Variants in NETO1 observed in about 807,000 individuals in gnomAD.
NETO1 encodes neuropilin and tolloid-like protein 1.
A neutral mutation model predicts 61.3 loss-of-function variants in NETO1; 26 were observed. The observed-to-expected ratio is 0.42, with a 90% confidence interval of 0.31 to 0.59. The LOEUF is 0.59. Ranked by LOEUF, NETO1 falls within the 20% of genes least tolerant of loss-of-function variation. The probability of loss-of-function intolerance (pLI) is 0.12; values close to 1 mark genes in which losing one functional copy is unlikely to be tolerated. For missense variants in NETO1, 531 were observed against 662.8 expected (o/e 0.80, Z 2.18); for synonymous variants, 225 against 225.8 (o/e 1.00, Z 0.03).
At chr18:72,811,525 C>T (rs1200682063) in intron 4 of NETO1, among the ~76,000 whole-genome samples, 2 of 152,160 alleles carry the variant, frequency 1.3e-5, no homozygotes, top group Non-Finnish European at 2.9e-5. Flanking sequence ...AAAGTAGGGC[C>T]AGGTGGGGTG....
At chr18:72,752,335 C>T (rs74632812) in intron 8 of NETO1, among the ~76,000 whole-genome samples, 15,991 of 152,162 alleles carry the variant, frequency 0.11, 955 homozygotes, top group Middle Eastern at 0.17. Context: ...TAACAACTGG[C>T]TGCAATACCA....
Position 72,864,789 on chromosome 18 carries a change from T to C in NETO1, c.220+19A>G, listed in dbSNP as rs946287678. On this transcript the variant is annotated intron_variant, in intron 3 of 10. Coordinates refer to ENST00000327305, the MANE Select transcript of NETO1 (RefSeq NM_138966.5). ...TTTTGGCTTAGTGCTTTCTTAACTC[T>C]GGCACTGTCTCCCCTTACCTTCTAT... The C allele has an allele frequency of 1.2e-6, 2 of 1,613,790 alleles. No individual in the cohort carries two copies. The highest frequency in any genetic ancestry group is 1.3e-5 in the African/African-American group (1 of 74,928).
At chr18:72,766,918 T>C (rs1361029406) in intron 7 of NETO1, among the ~76,000 whole-genome samples, 1 of 152,214 alleles carries the variant, frequency 6.6e-6, no homozygotes, top group Admixed American at 6.5e-5. Flanking sequence ...CACAATGATC[T>C]CTTCAATGTG....
chr18:72,758,653 A>G (rs566969783), intron 7 of NETO1, among the ~76,000 whole-genome samples: 1 of 152,192 alleles, frequency 6.6e-6, no homozygotes, highest in Admixed American at 6.5e-5. Flanking sequence ...CCCGGCCAAC[A>G]TGGTGAAGCC....
At position 72,795,598 on chromosome 18, in the gene NETO1, CT is replaced by C. The variant is rs1020847927; in HGVS notation, c.470-1195del. 2.6e-5 allele frequency among the ~76,000 whole-genome samples: 4 copies of C among 152,026 alleles called. No individual in the cohort carries two copies. The East Asian group carries it at 7.7e-4, about 29-fold the overall frequency. ...GTTGCATTTCTCCAAGATTTATACT[CT>C]TTTTTTTCCATTTGACAAGTAAAAA... is the stretch of plus-strand genomic sequence containing the variant. On this transcript the variant is annotated intron_variant, in intron 4 of 10. Transcript: ENST00000327305.
chr18:72,840,361 G>A (rs2073891103), intron 4 of NETO1, among the ~76,000 whole-genome samples: 1 of 152,166 alleles, frequency 6.6e-6, no homozygotes, highest in African/African-American at 2.4e-5. Flanking sequence ...TGCTACATGC[G>A]GGCAGTTAGG....
chr18:72,774,560 C>A (rs8083136), intron 7 of NETO1, among the ~76,000 whole-genome samples: 1 of 151,830 alleles, frequency 6.6e-6, no homozygotes, highest in African/African-American at 2.4e-5. Context: ...AAGTAAAATA[C>A]GGCACACTTC....
intron 4 of NETO1, among the ~76,000 whole-genome samples, chr18:72,831,966 G>A (rs1056369440): frequency 1.3e-5 from 2 of 151,546 alleles, no homozygotes; most frequent in African/African-American, 4.8e-5. Context: ...CTATATTGTA[G>A]CATAGTTTGA....
At chr18:72,764,834 G>T (rs2071098612) in intron 7 of NETO1, among the ~76,000 whole-genome samples, 1 of 152,084 alleles carries the variant, frequency 6.6e-6, no homozygotes, top group South Asian at 2.1e-4. Flanking sequence ...GTGTTCAGGC[G>T]AAAGGCTCAA....
intron 7 of NETO1, among the ~76,000 whole-genome samples, chr18:72,769,961 C>T (rs956087250): frequency 6.6e-6 from 1 of 151,886 alleles, no homozygotes; most frequent in Non-Finnish European, 1.5e-5. Flanking sequence ...TATCTTTGTT[C>T]CCTATTTTGG....
At chr18:72,780,938 C>A (rs1192172761) in intron 7 of NETO1, among the ~76,000 whole-genome samples, 2 of 152,024 alleles carry the variant, frequency 1.3e-5, no homozygotes, top group Admixed American at 1.3e-4. Flanking sequence ...TCCTATAAAA[C>A]TAAAATCTTT....
intron 4 of NETO1, among the ~76,000 whole-genome samples, chr18:72,843,442 A>T (rs1364066220): frequency 1.3e-5 from 2 of 152,228 alleles, no homozygotes. Context: ...TCATCCTGAT[A>T]ATAGAGATAC....
chr18:72,840,852 C>T (rs567523762), intron 4 of NETO1, among the ~76,000 whole-genome samples: 6 of 152,238 alleles, frequency 3.9e-5, no homozygotes, highest in African/African-American at 1.4e-4. Flanking sequence ...AATCTTAGTA[C>T]ACACTAAGCA....
intron 7 of NETO1, among the ~76,000 whole-genome samples, chr18:72,762,639 T>C (rs1051438806): frequency 1.3e-5 from 2 of 152,242 alleles, no homozygotes; most frequent in Non-Finnish European, 1.5e-5. Context: ...AGTTTTTACA[T>C]AGCACCTTTG....
At chr18:72,845,951 A>G (rs1001560718) in intron 4 of NETO1, among the ~76,000 whole-genome samples, 1 of 128,800 alleles carries the variant, frequency 7.8e-6, no homozygotes, top group African/African-American at 3.3e-5. Flanking sequence ...GTCTAGCACA[A>G]TGAACATAAA....
chr18:72,787,853 T>A (rs1203340223), intron 6 of NETO1, among the ~76,000 whole-genome samples: 1 of 152,180 alleles, frequency 6.6e-6, no homozygotes, highest in Non-Finnish European at 1.5e-5. Context: ...AAGAAAGTTA[T>A]ATTCTTAAAG....
chr18:72,857,124 C>T (rs868232889), intron 4 of NETO1, among the ~76,000 whole-genome samples: 1 of 152,156 alleles, frequency 6.6e-6, no homozygotes, highest in Non-Finnish European at 1.5e-5. Context: ...TCCTAGCTTT[C>T]CCTCATATGC....
chr18:72,807,752 A>C (rs1023111041), intron 4 of NETO1, among the ~76,000 whole-genome samples: 1 of 21,252 alleles, frequency 4.7e-5, no homozygotes, highest in African/African-American at 5.8e-5. Context: ...ACACACACAC[A>C]CACCCATACT....
chr18:72,743,755 A>C (rs2070374935), downstream of NETO1: 1 of 152,308 alleles, frequency 6.6e-6, no homozygotes, highest in African/African-American at 2.4e-5. Flanking sequence ...TACAAATTTG[A>C]TAATGTGATA....
Sources: allele counts gnomAD v4.1 joint callset (sites outside exome capture counted in the v4.1 genomes callset), GRCh38; gene constraint gnomAD v4.1.1; transcripts MANE v1.5; gene names NCBI Gene and HGNC (gene_info 2026-07-23, HGNC 2026-07-21).